The following CNBD1 variants were observed in gnomAD, a reference collection of about 807,000 sequenced individuals.
CNBD1 encodes the protein cyclic nucleotide binding domain containing 1, also known as cyclic nucleotide-binding domain-containing protein 1.
Under a neutral mutation model 54.4 loss-of-function variants are expected in CNBD1, and 71 were observed. The observed-to-expected ratio is 1.30, with a 90% CI of 1.08 to 1.59. The LOEUF (loss-of-function observed/expected upper bound fraction) is 1.59. Ranked by LOEUF, CNBD1 falls within the 40% of genes most tolerant of loss-of-function variation. The probability of loss-of-function intolerance (pLI) is 0.00; values close to 1 mark genes in which losing one functional copy is unlikely to be tolerated. For synonymous variants in CNBD1, 182 were observed against 170.7 expected, an observed-to-expected ratio of 1.07 and a Z score of -0.51; for missense variants, 659 against 518.0, an observed-to-expected ratio of 1.27 and a Z score of -2.64.
At chr8:87,363,920 G>T (rs753675678) in intron 10 of CNBD1, among the ~76,000 whole-genome samples, 1 of 149,688 alleles carries the variant, frequency 6.7e-6, no homozygotes, top group African/African-American at 2.4e-5. Context: ...TATTCATGAA[G>T]TCCTTGCCCA....
intron 8 of CNBD1, among the ~76,000 whole-genome samples, chr8:87,321,708 G>C (rs1419142981): frequency 6.6e-6 from 1 of 151,300 alleles, no homozygotes; most frequent in Non-Finnish European, 1.5e-5. Context: ...AATCTCATTT[G>C]TCTATTTTTG....
At chr8:87,243,064 C>G (rs1807736894) in intron 6 of CNBD1, among the ~76,000 whole-genome samples, 1 of 152,130 alleles carries the variant, frequency 6.6e-6, no homozygotes, top group South Asian at 2.1e-4. Flanking sequence ...CCTAACTTTT[C>G]CATTTCCCAA....
At chr8:87,066,145 A>G (rs1258820554) in intron 4 of CNBD1, among the ~76,000 whole-genome samples, 1 of 151,982 alleles carries the variant, frequency 6.6e-6, no homozygotes, top group Non-Finnish European at 1.5e-5. Flanking sequence ...GTAATGTGCA[A>G]GTCAGAATGC....
At chr8:87,206,170 G>T (rs756545334) in intron 5 of CNBD1, 32 bp downstream of exon 5, 1 of 1,461,914 alleles carries the variant, frequency 6.8e-7, no homozygotes, top group Non-Finnish European at 9.1e-7. Flanking sequence ...AATTTGGCGA[G>T]ATAAAATGCA....
intron 5 of CNBD1, among the ~76,000 whole-genome samples, chr8:87,209,798 A>G (rs974918986): frequency 6.6e-6 from 1 of 152,176 alleles, no homozygotes; most frequent in South Asian, 2.1e-4. Flanking sequence ...TATAATAAAA[A>G]CACAAGGCAA....
At chr8:86,946,237 A>G (rs1807463119) in intron 4 of CNBD1, among the ~76,000 whole-genome samples, 1 of 152,168 alleles carries the variant, frequency 6.6e-6, no homozygotes, top group South Asian at 2.1e-4. Flanking sequence ...TATTCAAGAA[A>G]GAATATTCAA....
intron 4 of CNBD1, among the ~76,000 whole-genome samples, chr8:87,173,868 CCTTCT>C (rs1813142981): frequency 6.6e-6 from 1 of 151,180 alleles, no homozygotes; most frequent in African/African-American, 2.4e-5. Flanking sequence ...TCTTTCTCTG[CCTTCT>C]CTTCGGGGCC....
At chr8:87,298,488 C>CTT (rs11414234) in intron 8 of CNBD1, among the ~76,000 whole-genome samples, 5,209 of 139,758 alleles carry the variant, frequency 0.037, 123 homozygotes, top group Non-Finnish European at 0.052. Flanking sequence ...TTTTTTCCCT[C>CTT]TTTTTTTTTT....
intron 4 of CNBD1, among the ~76,000 whole-genome samples, chr8:87,174,831 G>T (rs1397002977): frequency 2.0e-5 from 3 of 152,176 alleles, no homozygotes; most frequent in East Asian, 3.9e-4. Flanking sequence ...ACTCATAGAG[G>T]TACTGCCTTG....
chr8:87,110,382 C>A (rs1811637683), intron 4 of CNBD1, among the ~76,000 whole-genome samples: 1 of 152,150 alleles, frequency 6.6e-6, no homozygotes, highest in African/African-American at 2.4e-5. Flanking sequence ...CCCTTTCTTG[C>A]TCTGGACCCC....
chr8:86,914,326 CT>C (rs2131817909), intron 3 of CNBD1, among the ~76,000 whole-genome samples: 1 of 152,298 alleles, frequency 6.6e-6, no homozygotes, highest in South Asian at 2.1e-4. Context: ...CAGCCAGTCC[CT>C]CCGTTCAGGG....
intron 8 of CNBD1, among the ~76,000 whole-genome samples, chr8:87,336,359 A>T (rs1018446844): frequency 6.6e-6 from 1 of 151,646 alleles, no homozygotes; most frequent in Admixed American, 6.6e-5. Context: ...CAGTCTTTTG[A>T]TATAGTCTCA....
In CNBD1 at chr8:87,206,096, A is replaced by C. The variant is rs1813967820; in HGVS notation, c.535A>C (p.Ser179Arg). 2 of 1,597,558 alleles carry C rather than the reference A, an allele frequency of 1.3e-6. No homozygotes were observed. Among genetic ancestry groups the C allele is most frequent in the East Asian group, 4.6e-5 (2 of 43,948 alleles). ...QLNDKHLKTL[S>R]KTVFSETWLK... ...AAATGATAAGCATCTGAAAACACTT[A>C]GTAAGACTGTCTTTTCCGAAACCTG... Residue 179 changes from serine (S) to arginine (R), a missense_variant, in exon 5 of 11, where the codon AGT becomes CGT. By Grantham distance (110) the Ser-to-Arg change is moderately radical. Transcript: ENST00000518476.
At chr8:87,414,684 A>T (rs1807808066) in intron 2 of CNBD1, among the ~76,000 whole-genome samples, 1 of 152,044 alleles carries the variant, frequency 6.6e-6, no homozygotes, top group African/African-American at 2.4e-5. Context: ...TTAATTAAAC[A>T]TTACTGGTTA....
At chr8:87,025,359 C>G (rs867647598) in intron 4 of CNBD1, among the ~76,000 whole-genome samples, 7 of 152,194 alleles carry the variant, frequency 4.6e-5, no homozygotes, top group Non-Finnish European at 4.4e-5. Flanking sequence ...CACAATAAAT[C>G]TTGCTGCTGC....
chr8:87,220,772 A>G (rs1814315854), intron 5 of CNBD1, among the ~76,000 whole-genome samples: 1 of 152,044 alleles, frequency 6.6e-6, no homozygotes, highest in Non-Finnish European at 1.5e-5. Flanking sequence ...ATATATACTT[A>G]CAGTAACTTT....
rs950525206 is a variant in CNBD1 at position 86,960,231 on chromosome 8, T to TA, written c.431+20478dup. ...CAAGGGGTCAGGGAATTCCCTTTAC[T>TA]AGCCAAGGGAAGCCATGACAGATAG... is the stretch of plus-strand genomic sequence containing the variant. On this transcript the variant is annotated intron_variant, in intron 4 of 10. Coordinates refer to ENST00000518476, the MANE Select transcript of CNBD1 (RefSeq NM_173538.3). Among the ~76,000 whole-genome samples the TA allele has an allele frequency of 9.3e-4, 141 of 152,244 alleles. 1 individual carries two copies. The highest frequency in any genetic ancestry group is 3.3e-3 in the African/African-American group (138 of 41,552).
chr8:87,088,279 T>C (rs998180353), intron 4 of CNBD1, among the ~76,000 whole-genome samples: 1 of 152,212 alleles, frequency 6.6e-6, no homozygotes, highest in Non-Finnish European at 1.5e-5. Context: ...TTGTTGTAAC[T>C]CAATTGGACC....
At chr8:87,175,164 A>T (rs1370155097) in intron 4 of CNBD1, among the ~76,000 whole-genome samples, 1 of 152,094 alleles carries the variant, frequency 6.6e-6, no homozygotes, top group East Asian at 1.9e-4. Context: ...CAGGGTGTTG[A>T]GTTTCCCCAG....
Sources: gnomAD v4.1 joint callset for allele counts (sites outside exome capture counted in the v4.1 genomes callset) on GRCh38, gnomAD v4.1.1 for gene constraint, MANE v1.5 for transcripts, NCBI Gene and HGNC (gene_info 2026-07-23, HGNC 2026-07-21) for gene names.